The following ANTXR2 variants were observed in gnomAD, a reference collection of about 807,000 sequenced individuals.
ANTXR2 encodes anthrax toxin receptor 2.
Under a neutral mutation model 73.7 loss-of-function variants are expected in ANTXR2, and 44 were observed. The observed-to-expected ratio is 0.60, with a 90% CI of 0.47 to 0.77. The LOEUF (loss-of-function observed/expected upper bound fraction) is 0.77. Among genes scored for constraint, ANTXR2 ranks in the 30% least tolerant of loss-of-function variants. The pLI, the probability that ANTXR2 is intolerant of heterozygous loss-of-function variation, is 0.00. For missense variants in ANTXR2, 604 were observed against 592.5 expected (o/e 1.02, Z -0.20); for synonymous variants, 217 against 205.9 (o/e 1.05, Z -0.46).
intron 16 of ANTXR2, among the ~76,000 whole-genome samples, chr4:79,908,662 T>G (rs1051173770): frequency 1.3e-5 from 2 of 152,224 alleles, no homozygotes; most frequent in African/African-American, 4.8e-5. Flanking sequence ...TTGCCAATTT[T>G]TATTACTTAC....
chr4:80,056,031 CA>C lies in ANTXR2; in HGVS notation c.297-19del. The C allele has an allele frequency of 6.7e-7, 1 of 1,497,306 alleles. No homozygotes were observed. Among genetic ancestry groups the C allele is most frequent in the Non-Finnish European group, 8.9e-7 (1 of 1,118,910 alleles). The allele number at this position is 1,497,306 out of a possible 1,614,324, so 92.8% of individuals were successfully genotyped here. ...TTTTGCCTCTGAAAATAATATTAAA[CA>C]AAAGAAAAAATGAGCAAAGAGCAAA... On this transcript the variant is annotated intron_variant, in intron 3 of 16. Coordinates refer to ENST00000403729, the MANE Select transcript of ANTXR2 (RefSeq NM_058172.6).
At chr4:79,973,038 T>G (rs1418942720) in intron 16 of ANTXR2, among the ~76,000 whole-genome samples, 1 of 148,876 alleles carries the variant, frequency 6.7e-6, no homozygotes, top group Non-Finnish European at 1.5e-5. Context: ...CAAAACAAAG[T>G]GAAAGCATAG....
chr4:80,060,312 T>C (rs1281771014), intron 3 of ANTXR2, among the ~76,000 whole-genome samples: 1 of 152,222 alleles, frequency 6.6e-6, no homozygotes, highest in Non-Finnish European at 1.5e-5. Flanking sequence ...GTCAGGGTTA[T>C]CACTGGCCTT....
chr4:79,911,071 A>G (rs1046386409), intron 16 of ANTXR2, among the ~76,000 whole-genome samples: 1 of 152,170 alleles, frequency 6.6e-6, no homozygotes, highest in African/African-American at 2.4e-5. Flanking sequence ...TACAAAACAC[A>G]CATTAGTGAT....
intron 15 of ANTXR2, 59 bp from the exon 16 acceptor site, chr4:79,977,760 A>G (rs1202424161): frequency 4.1e-6 from 6 of 1,448,050 alleles, no homozygotes; most frequent in Admixed American, 5.0e-5. Context: ...TATGTACTGA[A>G]TAAATGAAGA....
intron 11 of ANTXR2, among the ~76,000 whole-genome samples, chr4:80,016,929 C>T (rs1731900644): frequency 6.6e-6 from 1 of 152,242 alleles, no homozygotes; most frequent in South Asian, 2.1e-4. Context: ...GGGCTACCCT[C>T]CTCTGGGTGG....
intron 3 of ANTXR2, among the ~76,000 whole-genome samples, chr4:80,068,168 T>C (rs17463278): frequency 0.37 from 56,582 of 151,944 alleles, 11,298 homozygotes; most frequent in Middle Eastern, 0.52. Context: ...TATAAATAAG[T>C]TCTCTCCCCC....
chr4:80,040,800 A>C (rs1323178204), intron 7 of ANTXR2, among the ~76,000 whole-genome samples: 6 of 151,886 alleles, frequency 4.0e-5, no homozygotes, highest in African/African-American at 1.2e-4. Context: ...AAAGAACCTG[A>C]TATCACCATG....
intron 16 of ANTXR2, among the ~76,000 whole-genome samples, chr4:79,927,042 T>A (rs1165374030): frequency 9.9e-6 from 1 of 100,810 alleles, no homozygotes; most frequent in Admixed American, 1.2e-4. Context: ...TGTGTGTATA[T>A]ATATGTGCGT....
At chr4:80,047,783 A>C (rs1733589797) in intron 7 of ANTXR2, among the ~76,000 whole-genome samples, 1 of 151,746 alleles carries the variant, frequency 6.6e-6, no homozygotes, top group African/African-American at 2.4e-5. Flanking sequence ...GGCAAAACTT[A>C]CTGAGAGAGA....
chr4:79,929,077 A>G (rs1560871261), intron 16 of ANTXR2, among the ~76,000 whole-genome samples: 2 of 152,206 alleles, frequency 1.3e-5, no homozygotes, highest in Non-Finnish European at 2.9e-5. Context: ...TTTTCTCACC[A>G]GCCCTCTTCT....
At chr4:79,954,380 T>C (rs1728814619) in intron 16 of ANTXR2, among the ~76,000 whole-genome samples, 1 of 152,194 alleles carries the variant, frequency 6.6e-6, no homozygotes, top group South Asian at 2.1e-4. Context: ...AATATTTTAC[T>C]GTGAGATGTT....
At chr4:79,959,848 T>C (rs912260530) in intron 16 of ANTXR2, among the ~76,000 whole-genome samples, 100 of 152,202 alleles carry the variant, frequency 6.6e-4, no homozygotes, top group African/African-American at 2.3e-3. Flanking sequence ...GAAGGTCGCA[T>C]TGTCTAAGAA....
chr4:79,986,606 G>A lies in ANTXR2; in HGVS notation c.1042-1743C>T, dbSNP rs552777717. 4.6e-5 allele frequency among the ~76,000 whole-genome samples: 7 copies of A among 152,186 alleles called. No homozygotes were observed. The South Asian group carries it at 1.0e-3, about 23-fold the overall frequency. ...ACTGCATACACACCAGTGGCTCCCC[G>A]CTGCCCTGTTGGTTTTCATTTGTCT... On this transcript the variant is annotated intron_variant, in intron 12 of 16. Coordinates refer to ENST00000403729, the MANE Select transcript of ANTXR2 (RefSeq NM_058172.6).
At chr4:80,047,218 A>T (rs560207366) in intron 7 of ANTXR2, among the ~76,000 whole-genome samples, 1 of 151,868 alleles carries the variant, frequency 6.6e-6, no homozygotes, top group African/African-American at 2.4e-5. Context: ...AAAAAAAGAA[A>T]ATAATAATAT....
chr4:80,018,250 C>A (rs764934764), intron 11 of ANTXR2, among the ~76,000 whole-genome samples: 1 of 151,924 alleles, frequency 6.6e-6, no homozygotes, highest in African/African-American at 2.4e-5. Context: ...TAGTGCTGCC[C>A]GTTTCCACGT....
intron 16 of ANTXR2, among the ~76,000 whole-genome samples, chr4:79,976,103 G>A (rs975552137): frequency 6.6e-6 from 1 of 151,758 alleles, no homozygotes; most frequent in African/African-American, 2.4e-5. Context: ...TAGTAGAGAC[G>A]GGGTTTCTCC....
chr4:79,937,930 G>A (rs1728344452), intron 16 of ANTXR2, among the ~76,000 whole-genome samples: 1 of 136,962 alleles, frequency 7.3e-6, no homozygotes, highest in African/African-American at 2.8e-5. Context: ...CAAGGGGTCA[G>A]GGAGTTCCCT....
chr4:80,038,112 A>G (rs981412188), intron 7 of ANTXR2, among the ~76,000 whole-genome samples: 5 of 152,148 alleles, frequency 3.3e-5, no homozygotes, highest in African/African-American at 9.7e-5. Context: ...AATAGAAACC[A>G]TTTCTCTGCA....
Sources: allele counts gnomAD v4.1 joint callset (sites outside exome capture counted in the v4.1 genomes callset), GRCh38; gene constraint gnomAD v4.1.1; transcripts MANE v1.5; gene names NCBI Gene and HGNC (gene_info 2026-07-23, HGNC 2026-07-21).